STARD9: variants seen among roughly 807,000 people sequenced by gnomAD.
The protein encoded by STARD9 is StAR related lipid transfer domain containing 9.
A neutral mutation model predicts 399.8 loss-of-function variants in STARD9; 346 were observed. That is an observed-to-expected ratio of 0.87 (90% CI 0.79 to 0.95). The LOEUF (loss-of-function observed/expected upper bound fraction) is 0.95, where lower values mean the gene tolerates loss of function less well. Ranked by LOEUF, STARD9 falls within the 40% of genes least tolerant of loss-of-function variation. The probability of loss-of-function intolerance (pLI) is 0.00; values close to 1 mark genes in which losing one functional copy is unlikely to be tolerated. For synonymous variants in STARD9, 2,203 were observed against 2,143.5 expected, an observed-to-expected ratio of 1.03 and a Z score of -0.77; for missense variants, 5,832 against 5,667.5, an observed-to-expected ratio of 1.03 and a Z score of -0.93.
intron 26 of STARD9, among the ~76,000 whole-genome samples, chr15:42,697,357 T>A (rs1399805387): frequency 6.6e-6 from 1 of 152,186 alleles, no homozygotes. Flanking sequence ...CACCTCAGCC[T>A]CCTAAAACGC....
At chr15:42,639,833 C>T (rs181401872) in intron 7 of STARD9, among the ~76,000 whole-genome samples, 7 of 150,048 alleles carry the variant, frequency 4.7e-5, no homozygotes, top group African/African-American at 1.7e-4. Context: ...AACTGCACTC[C>T]AGCCTGTGCG....
intron 3 of STARD9, among the ~76,000 whole-genome samples, chr15:42,629,273 C>G (rs1291384273): frequency 6.6e-6 from 1 of 152,182 alleles, no homozygotes; most frequent in Admixed American, 6.5e-5. Context: ...TCTTCCTCAG[C>G]CTCCTAAAGT....
rs777984703 is a variant in STARD9 at position 42,687,373 on chromosome 15, A to G, written c.5795A>G (p.Asn1932Ser). 91 of 1,536,792 alleles carry G rather than the reference A, an allele frequency of 5.9e-5. No individual in the cohort carries two copies. The highest frequency in any genetic ancestry group is 1.7e-4 in the Middle Eastern group (1 of 5,990). ...DQNTVLRQTINVSLEKDMPGE... is the reference protein window; with the variant it reads ...DQNTVLRQTISVSLEKDMPGE... ...AATACGGTTCTGAGGCAGACCATCA[A>G]TGTAAGCCTTGAGAAAGACATGCCA... The change falls in exon 23 of 33, where the codon AAT becomes AGT. Residue 1932 changes from asparagine to serine, a missense_variant. Around this residue, in one of 2 missense-constraint regions of STARD9, gnomAD observed 5,828 missense variants for 5,651.1 expected, o/e 1.03. Transcript: ENST00000290607.
At chr15:42,716,608 G>A in intron 26 of STARD9, 69 bp from the exon 27 acceptor site, 7 of 1,008,510 alleles carry the variant, frequency 6.9e-6, no homozygotes, top group Non-Finnish European at 1.1e-5. Flanking sequence ...GTGAGATGCA[G>A]TTCAGAGGCA....
chr15:42,702,600 G>A (rs1446795160), intron 26 of STARD9, among the ~76,000 whole-genome samples: 2 of 152,148 alleles, frequency 1.3e-5, no homozygotes, highest in African/African-American at 4.8e-5. Context: ...TTCTAAATTT[G>A]TCTGTGTACT....
At chr15:42,635,184 C>T (rs1050459631) in intron 4 of STARD9, among the ~76,000 whole-genome samples, 19 of 149,246 alleles carry the variant, frequency 1.3e-4, no homozygotes, top group Non-Finnish European at 1.8e-4. Flanking sequence ...GGTGGGAACC[C>T]GGGAGGCGGA....
rs1052912797 is a variant in STARD9 at position 42,719,699 on chromosome 15, G to A, written c.*125G>A. On this transcript the variant is annotated 3_prime_UTR_variant, in exon 33 of 33. Coordinates refer to ENST00000290607, the MANE Select transcript of STARD9 (RefSeq NM_020759.3). Reference sequence around the variant, plus strand: ...AAAGCTGATGCTACCTGCTGTGGCCGATTGGGGCAGACAGCACTGGCCCAG... The same window carrying A: ...AAAGCTGATGCTACCTGCTGTGGCCAATTGGGGCAGACAGCACTGGCCCAG... 6 of 659,910 alleles carry A rather than the reference G, an allele frequency of 9.1e-6. No individual in the cohort carries two copies. The highest frequency in any genetic ancestry group is 1.9e-5 in the South Asian group (1 of 52,932). The allele number at this position is 659,910 out of a possible 1,614,324, so 40.9% of individuals were successfully genotyped here. A position where few individuals can be genotyped will look rare whatever the true frequency, so the allele number is the denominator to read the frequency against.
At chr15:42,672,254 T>C (rs1057439023) in intron 16 of STARD9, 9 of 152,222 alleles carry the variant, frequency 5.9e-5, no homozygotes, top group African/African-American at 2.2e-4. Context: ...GGAAGTGTCT[T>C]GGGTGGGAAG....
intron 3 of STARD9, among the ~76,000 whole-genome samples, chr15:42,587,403 A>G (rs1393228294): frequency 1.3e-5 from 2 of 152,188 alleles, no homozygotes; most frequent in African/African-American, 2.4e-5. Flanking sequence ...CTTCTGTTAT[A>G]TAAGCATCTC....
chr15:42,693,352 C>T lies in STARD9; in HGVS notation c.11774C>T (p.Thr3925Ile). Residue 3925 changes from threonine (T) to isoleucine (I), a missense_variant, in exon 23 of 33, where the codon ACT becomes ATT. This residue lies in a region of STARD9 where 5,828 missense variants were observed against 5,651.1 expected (regional missense o/e 1.03). Transcript: ENST00000290607. Reference sequence around the variant, plus strand: ...TCTTTGACCCTCTCAGCCCCTTCAACTCACCCTGTTGAAGGCCACCAGAAG... The same window carrying T: ...TCTTTGACCCTCTCAGCCCCTTCAATTCACCCTGTTGAAGGCCACCAGAAG... ...PGSLTLSAPS[T>I]HPVEGHQKLD... 2.0e-6 allele frequency: 3 copies of T among 1,537,176 alleles called. No individual in the cohort carries two copies. Among genetic ancestry groups the T allele is most frequent in the Non-Finnish European group, 2.6e-6 (3 of 1,146,906 alleles).
chr15:42,692,544 A>G lies in STARD9; in HGVS notation c.10966A>G (p.Ile3656Val). 1.3e-6 allele frequency: 2 copies of G among 1,537,206 alleles called. No homozygotes were observed. Among genetic ancestry groups the G allele is most frequent in the Admixed American group, 3.9e-5 (2 of 51,010 alleles). ...GSRRHWSSTD[I>V]SFAQPEASAV... ...CAGGCGCCACTGGAGCAGCACTGACATCTCCTTTGCTCAGCCTGAAGCCAG... is the reference window on the plus strand; with the variant it reads ...CAGGCGCCACTGGAGCAGCACTGACGTCTCCTTTGCTCAGCCTGAAGCCAG... The change falls in exon 23 of 33, where the codon ATC becomes GTC. Residue 3656 changes from isoleucine (I) to valine (V), a missense_variant. Transcript: ENST00000290607.
chr15:42,622,477 C>T (rs1452749254), intron 3 of STARD9, among the ~76,000 whole-genome samples: 1 of 152,098 alleles, frequency 6.6e-6, no homozygotes, highest in Non-Finnish European at 1.5e-5. Flanking sequence ...AAGTGATCCT[C>T]CCACCTCCGA....
At chr15:42,589,691 C>T (rs1222800712) in intron 3 of STARD9, among the ~76,000 whole-genome samples, 1 of 151,912 alleles carries the variant, frequency 6.6e-6, no homozygotes, top group Non-Finnish European at 1.5e-5. Context: ...ACTGCAACCT[C>T]CACCTTCTGG....
At position 42,654,426 on chromosome 15, in the gene STARD9, G is replaced by T. The variant is rs539428789; in HGVS notation, c.702+1834G>T. Among the ~76,000 whole-genome samples the T allele has an allele frequency of 1.1e-3, 168 of 152,164 alleles. 1 individual carries two copies. The highest frequency in any genetic ancestry group is 3.8e-3 in the African/African-American group (157 of 41,502). ...ATAATAATAGTAACCATAAGTCCTA[G>T]CTAGAGTAATGAGACAAGAGAAAGA... On this transcript the variant is annotated intron_variant, in intron 9 of 32. Transcript: ENST00000290607.
chr15:42,616,267 C>T (rs918105885), intron 3 of STARD9, among the ~76,000 whole-genome samples: 9 of 152,196 alleles, frequency 5.9e-5, no homozygotes, highest in East Asian at 3.8e-4. Flanking sequence ...ACTCCAAAAA[C>T]GATCAACAAA....
In STARD9 at chr15:42,689,132, C is replaced by CAGCG; in HGVS notation, c.7555_7558dup (p.Gly2520GlufsTer19). 1 of 1,537,248 alleles carries CAGCG rather than the reference C, an allele frequency of 6.5e-7. No individual in the cohort carries two copies. Among genetic ancestry groups the CAGCG allele is most frequent in the Non-Finnish European group, 8.7e-7 (1 of 1,146,918 alleles). ...AGGAGACTGAGGACGTCGGACTGAC[C>CAGCG]AGCGGTGTTTCCTTAGCACCTGTTT... is the stretch of plus-strand genomic sequence containing the variant. On this transcript the variant is annotated frameshift_variant, in exon 23 of 33. Coordinates refer to ENST00000290607, the MANE Select transcript of STARD9 (RefSeq NM_020759.3). LOFTEE classifies it high-confidence loss of function.
rs1372180458 is a variant in STARD9 at position 42,718,104 on chromosome 15, A to G, written c.13687A>G (p.Thr4563Ala). The change falls in exon 30 of 33, where the codon ACT becomes GCT. Residue 4563 changes from threonine to alanine, a missense_variant. Transcript: ENST00000290607. ...SRVWAAVSDP[T>A]VWPLYYKPIQ... ...TGTGTGGGCGGCTGTCAGTGACCCC[A>G]CTGTGTGGCCCCTGTATTACAAGCC... 3.3e-6 allele frequency: 5 copies of G among 1,537,088 alleles called. No individual in the cohort carries two copies. Among genetic ancestry groups the G allele is most frequent in the South Asian group, 1.2e-5 (1 of 84,060 alleles).
chr15:42,714,058 ATTT>A (rs35057586), intron 26 of STARD9, among the ~76,000 whole-genome samples: 165 of 119,126 alleles, frequency 1.4e-3, no homozygotes, highest in African/African-American at 3.2e-3. Flanking sequence ...ATGCACTAAG[ATTT>A]TTTTTTTTTT....
intron 3 of STARD9, among the ~76,000 whole-genome samples, chr15:42,634,343 C>G (rs1465036947): frequency 6.6e-6 from 1 of 152,148 alleles, no homozygotes; most frequent in Non-Finnish European, 1.5e-5. Flanking sequence ...CCAGCAGAAC[C>G]AGCCAGCTCT....
Sources: gnomAD v4.1 joint callset for allele counts (sites outside exome capture counted in the v4.1 genomes callset) on GRCh38, gnomAD v4.1.1 for gene constraint, gnomAD v4.1.1 regional missense constraint, MANE v1.5 for transcripts, NCBI Gene and HGNC (gene_info 2026-07-23, HGNC 2026-07-21) for gene names.